The following WDFY3 variants were observed in gnomAD, a reference collection of about 807,000 sequenced individuals.
The protein encoded by WDFY3 is WD repeat and FYVE domain-containing protein 3.
Under a neutral mutation model 409.6 loss-of-function variants are expected in WDFY3, and 66 were observed. That is an observed-to-expected ratio of 0.16 (90% CI 0.13 to 0.20). The LOEUF is 0.20. Among genes scored for constraint, WDFY3 ranks in the 10% least tolerant of loss-of-function variants. The probability of loss-of-function intolerance (pLI) is 1.00; values close to 1 mark genes in which losing one functional copy is unlikely to be tolerated. For synonymous variants in WDFY3, 1,521 were observed against 1,537.1 expected, an observed-to-expected ratio of 0.99 and a Z score of 0.25; for missense variants, 3,031 against 4,298.1, an observed-to-expected ratio of 0.71 and a Z score of 8.24.
intron 64 of WDFY3, among the ~76,000 whole-genome samples, chr4:84,679,972 C>T (rs1253948239): frequency 1.3e-5 from 2 of 151,654 alleles, no homozygotes; most frequent in African/African-American, 4.8e-5. Context: ...CTCATTGCAA[C>T]CTTTGCCTCC....
chr4:84,871,885 C>T (rs548587775), intron 3 of WDFY3, among the ~76,000 whole-genome samples: 2 of 152,324 alleles, frequency 1.3e-5, no homozygotes, highest in South Asian at 4.1e-4. Context: ...CTGCTCACCT[C>T]AGCCTCCCAA....
chr4:84,831,718 G>C, intron 7 of WDFY3, 113 bp from the exon 8 acceptor site: 2 of 895,482 alleles, frequency 2.2e-6, no homozygotes, highest in East Asian at 2.8e-5. Flanking sequence ...CATAGAAATG[G>C]CCAACAGGTA....
intron 7 of WDFY3, among the ~76,000 whole-genome samples, chr4:84,832,167 T>C (rs896983018): frequency 6.6e-6 from 1 of 152,078 alleles, no homozygotes; most frequent in Non-Finnish European, 1.5e-5. Flanking sequence ...TAAAAAAGAA[T>C]GAAATTTTGT....
intron 10 of WDFY3, among the ~76,000 whole-genome samples, chr4:84,824,519 G>C (rs976308946): frequency 8.5e-5 from 13 of 152,158 alleles, no homozygotes; most frequent in Non-Finnish European, 1.8e-4. Context: ...ACTATATACT[G>C]TATGATTACA....
chr4:84,733,569 C>T lies in WDFY3; in HGVS notation c.7034G>A (p.Cys2345Tyr). Residue 2345 changes from cysteine to tyrosine, a missense_variant, in exon 44 of 68, where the codon TGT becomes TAT. Transcript: ENST00000295888. Reference sequence around the variant, plus strand: ...CCTCAACAGCTCGCACTCGATCTGACACCACTCTTCTGTCACGTACTTCAG... The same window carrying T: ...CCTCAACAGCTCGCACTCGATCTGATACCACTCTTCTGTCACGTACTTCAG... ...NALKYVTEEW[C>Y]QIECELLRER... 6.2e-7 allele frequency: 1 copy of T among 1,614,132 alleles called. No homozygotes were observed. The highest frequency in any genetic ancestry group is 8.5e-7 in the Non-Finnish European group (1 of 1,180,012).
intron 3 of WDFY3, among the ~76,000 whole-genome samples, chr4:84,863,102 CT>C (rs930826744): frequency 2.6e-5 from 4 of 152,152 alleles, no homozygotes; most frequent in African/African-American, 9.7e-5. Context: ...TACATATCTG[CT>C]TTTCTTTGTC....
intron 26 of WDFY3, among the ~76,000 whole-genome samples, chr4:84,779,358 G>A (rs957205184): frequency 1.3e-5 from 2 of 151,626 alleles, no homozygotes; most frequent in African/African-American, 2.4e-5. Context: ...CTTGCTTCAA[G>A]TATTTGTTCC....
At chr4:84,779,422 CTT>C (rs772133851) in intron 26 of WDFY3, among the ~76,000 whole-genome samples, 13 of 140,424 alleles carry the variant, frequency 9.3e-5, no homozygotes, top group Admixed American at 2.1e-4. Flanking sequence ...ATAAATGCTG[CTT>C]TTTTTTTTTT....
At chr4:84,963,722 C>T (rs534806188) in intron 1 of WDFY3, among the ~76,000 whole-genome samples, 15 of 152,272 alleles carry the variant, frequency 9.9e-5, no homozygotes, top group East Asian at 1.9e-4. Context: ...AATGGTATTA[C>T]CGATCAAAGT....
chr4:84,886,368 T>G (rs1237607797), intron 3 of WDFY3: 1 of 152,120 alleles, frequency 6.6e-6, no homozygotes, highest in Non-Finnish European at 1.5e-5. Context: ...TATTTGTTTA[T>G]TTCTTCTTTT....
intron 1 of WDFY3, among the ~76,000 whole-genome samples, chr4:84,961,908 A>C (rs1774972347): frequency 6.6e-6 from 1 of 152,206 alleles, no homozygotes; most frequent in Non-Finnish European, 1.5e-5. Context: ...TACTGATATT[A>C]ATAAATATAC....
chr4:84,776,379 A>G (rs1231511642), intron 27 of WDFY3, among the ~76,000 whole-genome samples: 1 of 152,058 alleles, frequency 6.6e-6, no homozygotes, highest in East Asian at 1.9e-4. Context: ...GTTTGGAGTA[A>G]TTAGGGATGC....
In WDFY3 at chr4:84,671,422, G is replaced by T. The variant is rs1021131118; in HGVS notation, c.*1446C>A. On this transcript the variant is annotated 3_prime_UTR_variant, in exon 68 of 68. Transcript: ENST00000295888. ...TTCAAATCACAGGGCTTTTAGAATTGTTCATAATGTTATCACTAAGTTTCT... is the reference window on the plus strand; with the variant it reads ...TTCAAATCACAGGGCTTTTAGAATTTTTCATAATGTTATCACTAAGTTTCT... 1 of 151,732 alleles carries T rather than the reference G, an allele frequency of 6.6e-6. No individual in the cohort carries two copies. Among genetic ancestry groups the T allele is most frequent in the Non-Finnish European group, 1.5e-5 (1 of 67,892 alleles). 9.4% of individuals were successfully genotyped at this position (151,732 alleles called of 1,614,324 possible).
chr4:84,681,714 G>A (rs957234609), intron 64 of WDFY3, among the ~76,000 whole-genome samples: 2 of 152,178 alleles, frequency 1.3e-5, no homozygotes, highest in South Asian at 4.1e-4. Context: ...TTTCCAGGAA[G>A]TTCCACTGTT....
intron 5 of WDFY3, among the ~76,000 whole-genome samples, chr4:84,844,819 A>T (rs1757861395): frequency 1.3e-5 from 2 of 152,200 alleles, no homozygotes; most frequent in Admixed American, 1.3e-4. Flanking sequence ...AAATCTTAAG[A>T]TACACCCTCT....
At chr4:84,813,509 T>G (rs981183744) in intron 13 of WDFY3, among the ~76,000 whole-genome samples, 1 of 152,168 alleles carries the variant, frequency 6.6e-6, no homozygotes, top group Admixed American at 6.6e-5. Context: ...TATAATGGTG[T>G]ACTACTGTGC....
chr4:84,836,030 A>G (rs1756524942), intron 7 of WDFY3, among the ~76,000 whole-genome samples: 1 of 152,228 alleles, frequency 6.6e-6, no homozygotes. Flanking sequence ...GGTTAAAAAA[A>G]CATGTAACAT....
intron 47 of WDFY3, 83 bp from the exon 48 acceptor site, chr4:84,718,653 G>T: frequency 6.8e-7 from 1 of 1,461,268 alleles, no homozygotes; most frequent in Non-Finnish European, 9.2e-7. Flanking sequence ...CATCCCTAGA[G>T]CTAAGCATAT....
intron 6 of WDFY3, among the ~76,000 whole-genome samples, chr4:84,839,264 A>C (rs1158125598): frequency 6.6e-6 from 1 of 152,176 alleles, no homozygotes; most frequent in Non-Finnish European, 1.5e-5. Flanking sequence ...AATTATATAA[A>C]GTTTTAATAG....
Sources: gnomAD v4.1 joint callset for allele counts (sites outside exome capture counted in the v4.1 genomes callset) on GRCh38, gnomAD v4.1.1 for gene constraint, MANE v1.5 for transcripts, NCBI Gene and HGNC (gene_info 2026-07-23, HGNC 2026-07-21) for gene names.